ARHGEF3: variants seen among roughly 807,000 people sequenced by gnomAD.
ARHGEF3 encodes the protein Rho guanine nucleotide exchange factor 3, also known as 59.8 kDA protein.
A neutral mutation model predicts 63.2 loss-of-function variants in ARHGEF3; 28 were observed. That is an observed-to-expected ratio of 0.44 (90% CI 0.33 to 0.61). The LOEUF is 0.61. ARHGEF3 is among the 20% of genes least tolerant of loss of function. The pLI is 0.03. For missense variants in ARHGEF3, 533 were observed against 659.3 expected (o/e 0.81, Z 2.10); for synonymous variants, 266 against 254.2 (o/e 1.05, Z -0.44).
chr3:56,972,244 T>A (rs1479701484), intron 2 of ARHGEF3, among the ~76,000 whole-genome samples: 2 of 152,096 alleles, frequency 1.3e-5, no homozygotes, highest in Non-Finnish European at 2.9e-5. Flanking sequence ...GGACAACTTA[T>A]ACAACTTTCC....
At chr3:57,075,466 A>G (rs145307611) in intron 1 of ARHGEF3, 22 of 165,658 alleles carry the variant, frequency 1.3e-4, no homozygotes, top group African/African-American at 5.1e-4. Context: ...TACAACCTCA[A>G]TTAGGAACAG....
intron 1 of ARHGEF3, among the ~76,000 whole-genome samples, chr3:56,792,883 G>A (rs1490801617): frequency 6.6e-6 from 1 of 151,770 alleles, no homozygotes; most frequent in Non-Finnish European, 1.5e-5. Flanking sequence ...AAACTCCTGG[G>A]CTCAAGCAAT....
chr3:56,872,047 G>A (rs1005114051), intron 4 of ARHGEF3, among the ~76,000 whole-genome samples: 2 of 124,022 alleles, frequency 1.6e-5, no homozygotes, highest in African/African-American at 5.1e-5. Context: ...CTTGTTGCCA[G>A]ATGTTACTTA....
chr3:57,070,677 G>C (rs1560177501), intron 1 of ARHGEF3, among the ~76,000 whole-genome samples: 2 of 152,128 alleles, frequency 1.3e-5, no homozygotes, highest in South Asian at 4.1e-4. Flanking sequence ...AAGAAGGTCA[G>C]GCTGGGCACA....
At chr3:56,806,156 T>C (rs1455941336), upstream of ARHGEF3, among the ~76,000 whole-genome samples, 2 of 152,206 alleles carry the variant, frequency 1.3e-5, no homozygotes, top group Admixed American at 1.3e-4. Context: ...ACCTTCCCCA[T>C]ATGTAATGCA....
chr3:57,064,480 G>A (rs556194437), intron 1 of ARHGEF3, among the ~76,000 whole-genome samples: 22 of 152,040 alleles, frequency 1.4e-4, no homozygotes, highest in Non-Finnish European at 2.2e-4. Flanking sequence ...ATGCCACCAC[G>A]CCCAGCAAAT....
chr3:56,766,530 G>A (rs766311565), intron 2 of ARHGEF3, among the ~76,000 whole-genome samples: 9 of 152,296 alleles, frequency 5.9e-5, no homozygotes, highest in South Asian at 2.1e-4. Flanking sequence ...TAGTCATAAC[G>A]GTGATAATAA....
chr3:57,012,998 T>C (rs1164642065), intron 2 of ARHGEF3, among the ~76,000 whole-genome samples: 1 of 152,172 alleles, frequency 6.6e-6, no homozygotes. Context: ...AGTGAGGGGC[T>C]TAGCACCCGG....
chr3:57,049,707 G>A (rs1419557166), intron 1 of ARHGEF3, among the ~76,000 whole-genome samples: 1 of 152,192 alleles, frequency 6.6e-6, no homozygotes, highest in Non-Finnish European at 1.5e-5. Context: ...GACAAGAGGA[G>A]AAATCAGAAA....
intron 3 of ARHGEF3, chr3:56,958,812 G>A (rs1309833743): frequency 3.2e-6 from 5 of 1,550,122 alleles, no homozygotes; most frequent in South Asian, 2.4e-5. Flanking sequence ...GCTACCCAGG[G>A]CAACACTTAC....
intron 4 of ARHGEF3, among the ~76,000 whole-genome samples, chr3:56,828,939 T>A (rs1235863718): frequency 6.6e-6 from 1 of 152,162 alleles, no homozygotes; most frequent in African/African-American, 2.4e-5. Flanking sequence ...TTATTATTAT[T>A]TTTTTGAGAC....
intron 2 of ARHGEF3, among the ~76,000 whole-genome samples, chr3:56,979,111 A>G (rs1451022293): frequency 6.6e-6 from 1 of 152,210 alleles, no homozygotes; most frequent in Non-Finnish European, 1.5e-5. Flanking sequence ...CTATGATTGC[A>G]CCATTGTACT....
At chr3:56,984,380 T>A (rs1231940575) in intron 2 of ARHGEF3, among the ~76,000 whole-genome samples, 2 of 152,096 alleles carry the variant, frequency 1.3e-5, no homozygotes, top group African/African-American at 2.4e-5. Flanking sequence ...CAATCCATGA[T>A]GGATGGATGG....
At chr3:57,071,609 G>A (rs997471979) in intron 1 of ARHGEF3, among the ~76,000 whole-genome samples, 9 of 149,474 alleles carry the variant, frequency 6.0e-5, no homozygotes, top group Admixed American at 1.3e-4. Context: ...GTAGTGAGCC[G>A]AGATCATGCC....
intron 6 of ARHGEF3, among the ~76,000 whole-genome samples, chr3:56,747,216 A>G (rs114494325): frequency 0.012 from 1,868 of 152,272 alleles, 39 homozygotes; most frequent in African/African-American, 0.042. Context: ...GAAATGCCCA[A>G]TGTTTTCATT....
intron 1 of ARHGEF3, among the ~76,000 whole-genome samples, chr3:56,780,986 A>G (rs937015886): frequency 7.9e-5 from 12 of 152,342 alleles, no homozygotes; most frequent in African/African-American, 2.9e-4. Flanking sequence ...CTTTGTAGAT[A>G]AAATCAAGTT....
At chr3:56,790,419 A>G (rs748581239) in intron 1 of ARHGEF3, among the ~76,000 whole-genome samples, 1 of 152,128 alleles carries the variant, frequency 6.6e-6, no homozygotes, top group Non-Finnish European at 1.5e-5. Context: ...CTCTTCTAAC[A>G]GCTTATTTCC....
chr3:56,929,619 G>A (rs2042359856), intron 3 of ARHGEF3, among the ~76,000 whole-genome samples: 1 of 152,086 alleles, frequency 6.6e-6, no homozygotes. Flanking sequence ...TAGGGGACAT[G>A]GAATGACTTA....
intron 2 of ARHGEF3, among the ~76,000 whole-genome samples, chr3:56,765,575 G>C (rs1436712824): frequency 6.6e-6 from 1 of 152,116 alleles, no homozygotes; most frequent in African/African-American, 2.4e-5. Flanking sequence ...ATATGCTTGG[G>C]TAATTTCTTA....
Sources: allele counts gnomAD v4.1 joint callset (sites outside exome capture counted in the v4.1 genomes callset), GRCh38; gene constraint gnomAD v4.1.1; transcripts MANE v1.5; gene names NCBI Gene and HGNC (gene_info 2026-07-23, HGNC 2026-07-21).